Variants in PDE4D observed in about 807,000 individuals in gnomAD.
The protein encoded by PDE4D is 3',5'-cyclic-AMP phosphodiesterase 4D.
PDE4D carries 24 observed loss-of-function variants against 87.4 expected under a neutral mutation model. That is an observed-to-expected ratio of 0.27 (90% CI 0.20 to 0.39). The LOEUF (loss-of-function observed/expected upper bound fraction) is 0.39. PDE4D is among the 10% of genes least tolerant of loss of function. The pLI is 1.00. For synonymous variants in PDE4D, 384 were observed against 383.2 expected (o/e 1.00, Z -0.02); for missense variants, 714 against 1,041.0 (o/e 0.69, Z 4.32).
chr5:59,108,551 T>A (rs192880318), intron 5 of PDE4D, among the ~76,000 whole-genome samples: 2 of 152,270 alleles, frequency 1.3e-5, no homozygotes, highest in African/African-American at 4.8e-5. Context: ...TAGGGTGATA[T>A]CTTCGGTTTT....
intron 3 of PDE4D, among the ~76,000 whole-genome samples, chr5:59,972,162 T>C (rs1008660498): frequency 3.9e-5 from 6 of 152,172 alleles, no homozygotes; most frequent in Admixed American, 6.5e-5. Flanking sequence ...ATTGACTACA[T>C]TGAGGTTATA....
chr5:60,038,117 T>C (rs1034023798), intron 2 of PDE4D, among the ~76,000 whole-genome samples: 1 of 152,140 alleles, frequency 6.6e-6, no homozygotes, highest in African/African-American at 2.4e-5. Context: ...GTGCAGAAGC[T>C]CTTTAGTTTA....
intron 1 of PDE4D, among the ~76,000 whole-genome samples, chr5:59,572,770 A>G (rs900998968): frequency 1.3e-5 from 2 of 152,170 alleles, no homozygotes; most frequent in Non-Finnish European, 2.9e-5. Flanking sequence ...GTGAGCCACC[A>G]CGCCCGGCCG....
At chr5:59,401,474 A>ATCTATCTATCTATCTGTCTGTCTG (rs1790622082) in intron 1 of PDE4D, among the ~76,000 whole-genome samples, 3 of 65,998 alleles carry the variant, frequency 4.5e-5, no homozygotes, top group African/African-American at 1.8e-4. Flanking sequence ...CTATCTATCT[A>ATCTATCTATCTATCTGTCTGTCTG]TCTATCTATC....
intron 1 of PDE4D, among the ~76,000 whole-genome samples, chr5:59,229,153 A>T (rs542759969): frequency 1.4e-4 from 22 of 152,054 alleles, no homozygotes; most frequent in East Asian, 9.6e-4. Context: ...ATTTTTTTTT[A>T]AAAATCTACT....
At chr5:60,156,318 A>T (rs1022544866) in intron 2 of PDE4D, among the ~76,000 whole-genome samples, 1 of 152,212 alleles carries the variant, frequency 6.6e-6, no homozygotes, top group Non-Finnish European at 1.5e-5. Context: ...GAGAATGTAT[A>T]TCTGGTTATT....
rs917880117 is a variant in PDE4D at position 59,651,529 on chromosome 5, G to A, written c.455+241639C>T. Among the ~76,000 whole-genome samples, 6 of 151,838 alleles carry A rather than the reference G, an allele frequency of 4.0e-5. No homozygotes were observed. In the East Asian group the frequency reaches 5.8e-4, roughly 15 times the overall value. The stretch of plus-strand genomic sequence containing the variant: ...TGCTAGGCTTACATAGACAGGGAAG[G>A]TCACATGGAGTACTTGGGTCATTCA... On this transcript the variant is annotated intron_variant, in intron 1 of 14. Coordinates refer to ENST00000340635, the MANE Select transcript of PDE4D (RefSeq NM_001104631.2).
In PDE4D at chr5:59,017,470, G is replaced by A. The variant is rs189301306; in HGVS notation, c.921+21389C>T. ...GTAAGGAGAAAGAAGAATCCTATGA[G>A]ACAAGACCAGAACATGTAAATACAT... On this transcript the variant is annotated intron_variant, in intron 6 of 14. Transcript: ENST00000340635. Among the ~76,000 whole-genome samples the A allele has an allele frequency of 6.0e-4, 91 of 152,268 alleles. No homozygotes were observed. The East Asian group carries it at 0.01, about 17-fold the overall frequency.
intron 2 of PDE4D, among the ~76,000 whole-genome samples, chr5:60,012,949 C>A (rs1236547560): frequency 6.6e-6 from 1 of 152,182 alleles, no homozygotes; most frequent in Non-Finnish European, 1.5e-5. Flanking sequence ...TGTTTGGAGA[C>A]AATGGCTCCA....
intron 1 of PDE4D, among the ~76,000 whole-genome samples, chr5:59,677,953 T>C (rs1261125184): frequency 1.3e-5 from 2 of 152,218 alleles, no homozygotes; most frequent in African/African-American, 4.8e-5. Flanking sequence ...GGACCAAAAA[T>C]CTCATTTCTC....
At chr5:59,914,160 G>C (rs1433496100) in intron 3 of PDE4D, among the ~76,000 whole-genome samples, 2 of 151,986 alleles carry the variant, frequency 1.3e-5, no homozygotes, top group Non-Finnish European at 2.9e-5. Flanking sequence ...ACATGTCCTA[G>C]GTGCTAGACT....
intron 1 of PDE4D, among the ~76,000 whole-genome samples, chr5:59,371,147 C>T (rs1783865540): frequency 6.6e-6 from 1 of 152,050 alleles, no homozygotes. Flanking sequence ...TTGAATACTC[C>T]TGGGAGGGTA....
intron 2 of PDE4D, among the ~76,000 whole-genome samples, chr5:60,011,884 T>G (rs1345705777): frequency 6.6e-6 from 1 of 152,114 alleles, no homozygotes; most frequent in Non-Finnish European, 1.5e-5. Context: ...AGACTCAGGA[T>G]CCACAAAGGA....
chr5:59,050,756 C>G (rs11948070), intron 5 of PDE4D, among the ~76,000 whole-genome samples: 2,786 of 152,178 alleles, frequency 0.018, 35 homozygotes, highest in Non-Finnish European at 0.029. Context: ...GTTGTATTAT[C>G]TGAAATAAGC....
At chr5:59,393,023 G>C (rs1438309977) in intron 1 of PDE4D, among the ~76,000 whole-genome samples, 1 of 152,064 alleles carries the variant, frequency 6.6e-6, no homozygotes, top group Non-Finnish European at 1.5e-5. Context: ...CCTGAGGATG[G>C]ATTGGATATT....
In PDE4D at chr5:59,502,908, CTTT is replaced by C. The variant is rs60143243; in HGVS notation, c.456-286943_456-286941del. On this transcript the variant is annotated intron_variant, in intron 1 of 14. Coordinates refer to ENST00000340635, the MANE Select transcript of PDE4D (RefSeq NM_001104631.2). ...AGGTGTTTTGTAGGAGATTAGAAGG[CTTT>C]TTTTTTTTTTTTGCTGAAATTGCTT... is the stretch of plus-strand genomic sequence containing the variant. Among the ~76,000 whole-genome samples, 510 of 131,120 alleles carry C rather than the reference CTTT, an allele frequency of 3.9e-3. 3 individuals are homozygous for C. Among genetic ancestry groups the C allele is most frequent in the African/African-American group, 0.012 (455 of 37,830 alleles). 86.0% of individuals were successfully genotyped at this position (131,120 alleles called of 152,430 possible).
chr5:60,010,465 T>C (rs1764917513), intron 2 of PDE4D, among the ~76,000 whole-genome samples: 2 of 152,148 alleles, frequency 1.3e-5, no homozygotes, highest in African/African-American at 2.4e-5. Context: ...CCCCAGCACA[T>C]TATGTTTTCA....
chr5:59,695,458 A>G (rs1751633482), intron 1 of PDE4D, among the ~76,000 whole-genome samples: 1 of 152,180 alleles, frequency 6.6e-6, no homozygotes, highest in South Asian at 2.1e-4. Context: ...TAGTTATCTG[A>G]TAGTTTAACT....
chr5:59,881,091 G>C (rs1487170433), intron 1 of PDE4D, among the ~76,000 whole-genome samples: 1 of 152,120 alleles, frequency 6.6e-6, no homozygotes, highest in Non-Finnish European at 1.5e-5. Context: ...GTTAAGGTTA[G>C]TAGACCATTT....
Sources: gnomAD v4.1 joint callset for allele counts (sites outside exome capture counted in the v4.1 genomes callset) on GRCh38, gnomAD v4.1.1 for gene constraint, MANE v1.5 for transcripts, NCBI Gene and HGNC (gene_info 2026-07-23, HGNC 2026-07-21) for gene names.